Variants in USP15 observed in about 807,000 individuals in gnomAD.
USP15 encodes ubiquitin specific peptidase 15, also known as ubiquitin carboxyl-terminal hydrolase 15.
A neutral mutation model predicts 127.1 loss-of-function variants in USP15; 18 were observed. The ratio of observed to expected loss-of-function variants is 0.14; its 90% confidence interval spans 0.10 to 0.21. USP15 has a LOEUF of 0.21. Ranked by LOEUF, USP15 falls within the 10% of genes least tolerant of loss-of-function variation. The pLI, the probability that USP15 is intolerant of heterozygous loss-of-function variation, is 1.00. For synonymous variants in USP15, 364 were observed against 393.7 expected, an observed-to-expected ratio of 0.92 and a Z score of 0.89; for missense variants, 805 against 1,159.9, an observed-to-expected ratio of 0.69 and a Z score of 4.44.
intron 3 of USP15, chr12:62,305,699 A>G (rs2064464161): frequency 6.6e-6 from 1 of 152,142 alleles, no homozygotes; most frequent in African/African-American, 2.4e-5. Flanking sequence ...AGAATTAACT[A>G]CACAATAGTG....
intron 6 of USP15, chr12:62,336,806 A>G (rs970420576): frequency 6.5e-6 from 1 of 152,822 alleles, no homozygotes. Flanking sequence ...GTTGAAGTAC[A>G]TGAAGCAAAA....
intron 6 of USP15, among the ~76,000 whole-genome samples, chr12:62,341,707 C>A (rs896718714): frequency 3.3e-5 from 5 of 152,134 alleles, no homozygotes; most frequent in African/African-American, 1.2e-4. Context: ...AATATTGGCC[C>A]CCACTCTCTT....
intron 1 of USP15, chr12:62,267,384 A>G (rs1467457984): frequency 1.3e-5 from 2 of 152,174 alleles, no homozygotes; most frequent in Non-Finnish European, 2.9e-5. Flanking sequence ...GGAAGGGTCA[A>G]AAATGGCTCC....
At chr12:62,354,115 G>C (rs933004971) in intron 7 of USP15, among the ~76,000 whole-genome samples, 1 of 151,110 alleles carries the variant, frequency 6.6e-6, no homozygotes, top group South Asian at 2.1e-4. Flanking sequence ...GTTTTCTCTG[G>C]GGGTGGTGTG....
At chr12:62,291,552 G>A (rs2063968264) in intron 1 of USP15, among the ~76,000 whole-genome samples, 1 of 152,178 alleles carries the variant, frequency 6.6e-6, no homozygotes, top group Non-Finnish European at 1.5e-5. Flanking sequence ...GAGTTAGTGT[G>A]ATCCTTTGAG....
rs531089667 is a variant in USP15, at chr12:62,363,606, G to T, written c.915+8131G>T. Among the ~76,000 whole-genome samples the T allele has an allele frequency of 2.0e-5, 3 of 152,008 alleles. No individual in the cohort carries two copies. The South Asian group carries it at 6.2e-4, about 32-fold the overall frequency. ...TCCACACAGTACTCATAACCATCTGGCATGTTTTATTTCTATTAGGGTTTT... is the reference window on the plus strand; with the variant it reads ...TCCACACAGTACTCATAACCATCTGTCATGTTTTATTTCTATTAGGGTTTT... On this transcript the variant is annotated intron_variant, in intron 8 of 21. Coordinates refer to ENST00000280377, the MANE Select transcript of USP15 (RefSeq NM_001252078.2).
chr12:62,336,129 C>T (rs1471201852), intron 6 of USP15: 2 of 985,290 alleles, frequency 2.0e-6, no homozygotes, highest in Non-Finnish European at 2.4e-6. Context: ...AAATTTCTGT[C>T]AGAAGACCTC....
chr12:62,283,295 C>G (rs985129304), intron 1 of USP15, among the ~76,000 whole-genome samples: 2 of 152,032 alleles, frequency 1.3e-5, no homozygotes, highest in African/African-American at 4.8e-5. Context: ...TCATGATAGT[C>G]TAAACAAATG....
At chr12:62,285,739 A>G (rs905407811) in intron 1 of USP15, among the ~76,000 whole-genome samples, 3 of 152,188 alleles carry the variant, frequency 2.0e-5, no homozygotes, top group African/African-American at 7.2e-5. Flanking sequence ...TAGTGCTGTG[A>G]TAAACATACA....
chr12:62,379,678 C>T (rs1204891970), intron 8 of USP15, among the ~76,000 whole-genome samples: 1 of 152,050 alleles, frequency 6.6e-6, no homozygotes, highest in Admixed American at 6.6e-5. Flanking sequence ...TAACCCTGAG[C>T]TGATCAAATA....
intron 1 of USP15, among the ~76,000 whole-genome samples, chr12:62,270,390 C>T (rs1458484090): frequency 6.6e-6 from 1 of 151,644 alleles, no homozygotes; most frequent in Non-Finnish European, 1.5e-5. Flanking sequence ...CCTGTTTTTT[C>T]CTTTGTCACT....
At chr12:62,398,514 T>A (rs1441370240) in intron 20 of USP15, among the ~76,000 whole-genome samples, 2 of 152,238 alleles carry the variant, frequency 1.3e-5, no homozygotes, top group African/African-American at 4.8e-5. Flanking sequence ...ATCTTTCAAT[T>A]GTATGTATGT....
chr12:62,274,322 A>G (rs182715677), intron 1 of USP15: 1 of 152,150 alleles, frequency 6.6e-6, no homozygotes, highest in East Asian at 1.9e-4. Context: ...TAGGATTTCA[A>G]AAAATAAACA....
intron 6 of USP15, among the ~76,000 whole-genome samples, chr12:62,326,301 A>G (rs999207190): frequency 6.6e-6 from 1 of 152,186 alleles, no homozygotes; most frequent in Non-Finnish European, 1.5e-5. Context: ...TGAAAGTAAT[A>G]TATTTATTCA....
chr12:62,317,758 A>G (rs1410713622), intron 4 of USP15, among the ~76,000 whole-genome samples: 1 of 152,164 alleles, frequency 6.6e-6, no homozygotes, highest in Non-Finnish European at 1.5e-5. Context: ...AGCTAGTACT[A>G]CCTACACTGA....
At chr12:62,327,465 ACT>A (rs1442420232) in intron 6 of USP15, among the ~76,000 whole-genome samples, 9 of 152,100 alleles carry the variant, frequency 5.9e-5, no homozygotes, top group African/African-American at 1.9e-4. Flanking sequence ...AAGCAGAACC[ACT>A]GTTGTTTCCT....
At chr12:62,327,205 T>A (rs2137306809) in intron 6 of USP15, among the ~76,000 whole-genome samples, 1 of 142,144 alleles carries the variant, frequency 7.0e-6, no homozygotes, top group Non-Finnish European at 1.5e-5. Context: ...TCCTTTTTTA[T>A]CTTACGTGAA....
At chr12:62,271,868 A>G (rs2063352144) in intron 1 of USP15, among the ~76,000 whole-genome samples, 1 of 151,920 alleles carries the variant, frequency 6.6e-6, no homozygotes, top group South Asian at 2.1e-4. Flanking sequence ...CATAAAAATT[A>G]TTTATTGCTA....
intron 6 of USP15, among the ~76,000 whole-genome samples, chr12:62,341,748 G>C (rs1477657184): frequency 6.6e-6 from 1 of 152,196 alleles, no homozygotes; most frequent in East Asian, 1.9e-4. Flanking sequence ...AGAGAGATCT[G>C]CTGTTAGTCT....
Sources: gnomAD v4.1 joint callset for allele counts (sites outside exome capture counted in the v4.1 genomes callset) on GRCh38, gnomAD v4.1.1 for gene constraint, MANE v1.5 for transcripts, NCBI Gene and HGNC (gene_info 2026-07-23, HGNC 2026-07-21) for gene names.